The following MTAP variants were observed in gnomAD, a reference collection of about 807,000 sequenced individuals.
MTAP encodes S-methyl-5'-thioadenosine phosphorylase.
In MTAP, 33 loss-of-function variants were observed where a neutral mutation model predicts 33.6. That is an observed-to-expected ratio of 0.98 (90% CI 0.74 to 1.31). The LOEUF (loss-of-function observed/expected upper bound fraction) is 1.31. Ranked by LOEUF, MTAP falls within the 40% of genes most tolerant of loss-of-function variation. MTAP has a pLI of 0.00. For missense variants in MTAP, 367 were observed against 360.0 expected, an observed-to-expected ratio of 1.02 and a Z score of -0.16; for synonymous variants, 148 against 125.7, an observed-to-expected ratio of 1.18 and a Z score of -1.19.
At position 21,865,675 on chromosome 9, in the gene MTAP, A is replaced by G. The variant is rs1825842021; in HGVS notation, c.*3661A>G. 1.2e-5 allele frequency: 12 copies of G among 1,013,186 alleles called. No individual in the cohort carries two copies. Among genetic ancestry groups the G allele is most frequent in the Non-Finnish European group, 1.4e-5 (12 of 844,186 alleles). The allele number at this position is 1,013,186 out of a possible 1,614,324, so 62.8% of individuals were successfully genotyped here. Reference sequence around the variant, plus strand: ...AAGATCGAGGAAATCTACCAAGACTAGTAGGGTAGTCCAGAAGAAGCTGTT... The same window carrying G: ...AAGATCGAGGAAATCTACCAAGACTGGTAGGGTAGTCCAGAAGAAGCTGTT... On this transcript the variant is annotated 3_prime_UTR_variant, in exon 8 of 8. Transcript: ENST00000644715.
chr9:21,918,542 A>C (rs563547537), intron 1 of MTAP, among the ~76,000 whole-genome samples: 1 of 152,150 alleles, frequency 6.6e-6, no homozygotes, highest in African/African-American at 2.4e-5. Context: ...TACCCCCAAA[A>C]ACTATTGAAA....
intron 1 of MTAP, among the ~76,000 whole-genome samples, chr9:21,913,657 C>A (rs1471599833): frequency 6.6e-6 from 1 of 152,168 alleles, no homozygotes; most frequent in Non-Finnish European, 1.5e-5. Context: ...AAATGTTAGA[C>A]CTAAAACCAT....
At chr9:21,819,072 A>G (rs942802079) in intron 4 of MTAP, among the ~76,000 whole-genome samples, 1 of 151,584 alleles carries the variant, frequency 6.6e-6, no homozygotes, top group African/African-American at 2.4e-5. Context: ...TGTTGTGGCA[A>G]TTGACAGAGT....
chr9:21,824,642 A>AT (rs1160490299), intron 4 of MTAP, among the ~76,000 whole-genome samples: 4 of 152,228 alleles, frequency 2.6e-5, no homozygotes, highest in Admixed American at 6.5e-5. Flanking sequence ...AGACAGGGAC[A>AT]TTTAAGTCTG....
rs188745403 is a variant in MTAP at position 21,916,840 on chromosome 9, A to G, written c.148-14168A>G. ...TTCTATCCTCCAGAACTGTGAAAGAAAAAAAAATCTGTTGCTAAAAGTCCC... is the reference window on the plus strand; with the variant it reads ...TTCTATCCTCCAGAACTGTGAAAGAGAAAAAAATCTGTTGCTAAAAGTCCC... On this transcript the variant is annotated intron_variant, in intron 1 of 1. Transcript: ENST00000577563. 3.9e-5 allele frequency among the ~76,000 whole-genome samples: 6 copies of G among 152,246 alleles called. No individual in the cohort carries two copies. The East Asian group carries it at 1.2e-3, about 29-fold the overall frequency.
In MTAP at chr9:21,866,193, C is replaced by T. The variant is rs554122610; in HGVS notation, c.*4179C>T. The T allele has an allele frequency of 1.3e-5, 2 of 152,110 alleles. No homozygotes were observed. Among genetic ancestry groups the T allele is most frequent in the African/African-American group, 4.8e-5 (2 of 41,416 alleles). 9.4% of individuals were successfully genotyped at this position (152,110 alleles called of 1,614,324 possible). A position where few individuals can be genotyped will look rare whatever the true frequency, so the allele number is the denominator to read the frequency against. ...ATTGGCCATTCACATATTTCGTGAA[C>T]TATCTGTACAAATATTTTTGTTTAT... On this transcript the variant is annotated 3_prime_UTR_variant, in exon 8 of 8. Coordinates refer to ENST00000644715, the MANE Select transcript of MTAP (RefSeq NM_002451.4).
chr9:21,893,899 T>TA (rs1818240279), intron 1 of MTAP: 1 of 149,132 alleles, frequency 6.7e-6, no homozygotes. Context: ...CTCTCTAACT[T>TA]ATTCTATAAG....
intron 1 of MTAP, among the ~76,000 whole-genome samples, chr9:21,917,298 G>T (rs1026691517): frequency 6.6e-6 from 1 of 152,132 alleles, no homozygotes; most frequent in African/African-American, 2.4e-5. Context: ...TTTCTGAGTG[G>T]TCCACATAAC....
chr9:21,931,263 AG>A, downstream of MTAP: 4 of 610,676 alleles, frequency 6.6e-6, no homozygotes, highest in South Asian at 7.8e-5. Flanking sequence ...CAGTTACAGA[AG>A]ACTGACCTTC....
downstream of MTAP, among the ~76,000 whole-genome samples, chr9:21,870,700 A>G (rs1825922534): frequency 6.6e-6 from 1 of 151,798 alleles, no homozygotes. Flanking sequence ...TGAAATTTTT[A>G]TTCTTCAAAT....
chr9:21,921,907 T>G (rs1054042127), intron 1 of MTAP, among the ~76,000 whole-genome samples: 4 of 152,040 alleles, frequency 2.6e-5, no homozygotes, highest in African/African-American at 9.7e-5. Context: ...GAGTAGGTAG[T>G]TAGGCAGACA....
At chr9:21,833,898 C>T (rs1315278830) in intron 4 of MTAP, among the ~76,000 whole-genome samples, 1 of 152,174 alleles carries the variant, frequency 6.6e-6, no homozygotes. Flanking sequence ...CTAGGCTTTT[C>T]TCCCTCTCTT....
At chr9:21,915,230 A>C (rs1211722022) in intron 1 of MTAP, among the ~76,000 whole-genome samples, 1 of 151,514 alleles carries the variant, frequency 6.6e-6, no homozygotes, top group African/African-American at 2.4e-5. Context: ...CTGGGACTAC[A>C]GGCACCCGCC....
chr9:21,846,940 T>C (rs1825399570), intron 5 of MTAP, among the ~76,000 whole-genome samples: 1 of 152,194 alleles, frequency 6.6e-6, no homozygotes, highest in African/African-American at 2.4e-5. Flanking sequence ...ATACAGAGTA[T>C]TGATCCTGGG....
chr9:21,911,630 G>A (rs1407467183), intron 1 of MTAP, among the ~76,000 whole-genome samples: 2 of 152,116 alleles, frequency 1.3e-5, no homozygotes, highest in Non-Finnish European at 2.9e-5. Flanking sequence ...ATTTAAAACA[G>A]TGTGTAGAGG....
chr9:21,910,666 C>T (rs935796252), intron 1 of MTAP, among the ~76,000 whole-genome samples: 2 of 151,986 alleles, frequency 1.3e-5, no homozygotes, highest in African/African-American at 4.8e-5. Flanking sequence ...GGGGGGAGTC[C>T]TTGTTTGTTG....
chr9:21,914,968 C>G (rs1818651594), intron 1 of MTAP, among the ~76,000 whole-genome samples: 3 of 151,382 alleles, frequency 2.0e-5, no homozygotes, highest in Admixed American at 2.0e-4. Flanking sequence ...AAGGTACATC[C>G]ATAGTGTAGC....
chr9:21,840,258 G>A (rs985351057), intron 5 of MTAP, among the ~76,000 whole-genome samples: 11 of 151,832 alleles, frequency 7.2e-5, no homozygotes, highest in South Asian at 2.1e-4. Flanking sequence ...CAGGGCTAAC[G>A]TGCAGCTTCC....
exon 8 of MTAP, chr9:21,937,454 T>C (rs1563876896): frequency 1.3e-5 from 2 of 152,220 alleles, no homozygotes; most frequent in African/African-American, 2.4e-5. Context: ...TTAAAAGTGA[T>C]TGTGAAAAAT....
Sources: allele counts gnomAD v4.1 joint callset (sites outside exome capture counted in the v4.1 genomes callset), GRCh38; gene constraint gnomAD v4.1.1; transcripts MANE v1.5; gene names NCBI Gene and HGNC (gene_info 2026-07-23, HGNC 2026-07-21).